The following ARL15 variants were observed in gnomAD, a reference collection of about 807,000 sequenced individuals.
ARL15 encodes the protein ARF like GTPase 15.
ARL15 carries 19 observed loss-of-function variants against 25.2 expected under a neutral mutation model. The observed-to-expected ratio is 0.75, with a 90% CI of 0.53 to 1.10. The LOEUF (loss-of-function observed/expected upper bound fraction) is 1.10, where lower values mean the gene tolerates loss of function less well. ARL15 is among the 50% of genes least tolerant of loss of function. The pLI is 0.00. For synonymous variants in ARL15, 94 were observed against 86.8 expected (o/e 1.08, Z -0.46); for missense variants, 220 against 246.0 (o/e 0.89, Z 0.71).
intron 1 of ARL15, chr5:54,310,162 C>G: frequency 2.4e-6 from 1 of 421,970 alleles, no homozygotes; most frequent in Non-Finnish European, 4.2e-6. Flanking sequence ...CCGCCGCGGC[C>G]GCCCCATCTC....
At chr5:54,096,518 T>C (rs377111386) in intron 4 of ARL15, among the ~76,000 whole-genome samples, 24 of 152,238 alleles carry the variant, frequency 1.6e-4, no homozygotes, top group East Asian at 1.5e-3. Flanking sequence ...TCAAGTGATT[T>C]TCCTGCCTCA....
At chr5:54,151,265 T>C (rs1436944879) in intron 3 of ARL15, among the ~76,000 whole-genome samples, 4 of 152,292 alleles carry the variant, frequency 2.6e-5, no homozygotes, top group South Asian at 4.1e-4. Context: ...ATTCTTAAAA[T>C]AGCAAAATAG....
At chr5:53,904,549 C>G (rs1413462028) in intron 4 of ARL15, among the ~76,000 whole-genome samples, 1 of 152,052 alleles carries the variant, frequency 6.6e-6, no homozygotes, top group Non-Finnish European at 1.5e-5. Context: ...TCCCAAGTAT[C>G]TTTAACTTAT....
Position 53,886,483 on chromosome 5 carries a change from A to G in ARL15, c.*78T>C, listed in dbSNP as rs1180784698. On this transcript the variant is annotated 3_prime_UTR_variant, in exon 5 of 5. Coordinates refer to ENST00000504924, the MANE Select transcript of ARL15 (RefSeq NM_019087.3). Reference sequence around the variant, plus strand: ...AGATACTGAAGCCAATATAGTCTTGATACCAAAATAAAATTAAAATGAGAA... The same window carrying G: ...AGATACTGAAGCCAATATAGTCTTGGTACCAAAATAAAATTAAAATGAGAA... 5 of 1,465,850 alleles carry G rather than the reference A, an allele frequency of 3.4e-6. No homozygotes were observed. The East Asian group carries it at 9.9e-5, about 29-fold the overall frequency. The allele number at this position is 1,465,850 out of a possible 1,614,324, so 90.8% of individuals were successfully genotyped here. A position where few individuals can be genotyped will look rare whatever the true frequency, so the allele number is the denominator to read the frequency against.
At chr5:54,014,827 C>A (rs953004303) in intron 4 of ARL15, among the ~76,000 whole-genome samples, 1 of 151,954 alleles carries the variant, frequency 6.6e-6, no homozygotes, top group Non-Finnish European at 1.5e-5. Context: ...CTTCTGAGCT[C>A]CTGAACCCCT....
At chr5:54,261,417 T>C (rs1421309099) in intron 1 of ARL15, among the ~76,000 whole-genome samples, 3 of 152,136 alleles carry the variant, frequency 2.0e-5, no homozygotes, top group African/African-American at 4.8e-5. Context: ...AAATAATCGG[T>C]AGATTCCTGA....
chr5:54,113,100 A>G (rs1462716183), intron 4 of ARL15, 102 bp downstream of exon 4: 16 of 1,155,224 alleles, frequency 1.4e-5, no homozygotes, highest in Admixed American at 2.3e-5. Flanking sequence ...TGAAAGCAGC[A>G]TAACCAGCAC....
In ARL15 at chr5:53,890,952, G is replaced by C. The variant is rs10067999; in HGVS notation, c.463-4239C>G. Among the ~76,000 whole-genome samples the C allele has an allele frequency of 8.6e-3, 1,311 of 152,176 alleles. 20 individuals carry two copies. The highest frequency in any genetic ancestry group is 0.03 in the African/African-American group (1,252 of 41,532). On this transcript the variant is annotated intron_variant, in intron 4 of 4. Transcript: ENST00000504924. Reference sequence around the variant, plus strand: ...GAAATCACAGTATCATCCTTTCCTAGGTCCAGGATCTCTAACGGGGCAGTG... The same window carrying C: ...GAAATCACAGTATCATCCTTTCCTACGTCCAGGATCTCTAACGGGGCAGTG...
At chr5:54,032,740 A>C (rs1430923146) in intron 4 of ARL15, among the ~76,000 whole-genome samples, 4 of 152,162 alleles carry the variant, frequency 2.6e-5, no homozygotes, top group African/African-American at 9.7e-5. Flanking sequence ...TGGTATTATT[A>C]TTTCAATCAT....
chr5:54,143,139 C>T (rs947417740), intron 3 of ARL15, among the ~76,000 whole-genome samples: 5 of 152,040 alleles, frequency 3.3e-5, no homozygotes, highest in African/African-American at 1.2e-4. Flanking sequence ...TGTTAATTGG[C>T]TATTTAAATC....
intron 1 of ARL15, among the ~76,000 whole-genome samples, chr5:54,254,232 GA>G (rs1172508593): frequency 6.6e-6 from 1 of 152,176 alleles, no homozygotes; most frequent in Admixed American, 6.5e-5. Context: ...AACTAACACG[GA>G]GGAATAGTTA....
intron 3 of ARL15, among the ~76,000 whole-genome samples, chr5:54,134,557 G>A (rs1753537649): frequency 7.3e-6 from 1 of 137,778 alleles, no homozygotes; most frequent in Non-Finnish European, 1.5e-5. Flanking sequence ...GCTCCCTGAA[G>A]GAATGATTAG....
At chr5:53,950,754 G>A (rs185414768) in intron 4 of ARL15, among the ~76,000 whole-genome samples, 53 of 152,130 alleles carry the variant, frequency 3.5e-4, no homozygotes, top group Non-Finnish European at 6.8e-4. Flanking sequence ...TGAGATACTT[G>A]GAACATTTTC....
chr5:54,248,860 A>G (rs1265788826), intron 1 of ARL15, among the ~76,000 whole-genome samples: 1 of 152,166 alleles, frequency 6.6e-6, no homozygotes, highest in Non-Finnish European at 1.5e-5. Flanking sequence ...AGACAGAAAA[A>G]GAGAAAAAGG....
chr5:54,292,253 C>T (rs1423736854), intron 1 of ARL15, among the ~76,000 whole-genome samples: 2 of 152,116 alleles, frequency 1.3e-5, no homozygotes, highest in African/African-American at 4.8e-5. Context: ...GATGTTCTTG[C>T]TTCTCCAAAG....
At position 54,126,886 on chromosome 5, in the gene ARL15, C is replaced by T. The variant is rs188702375; in HGVS notation, c.254-13476G>A. ...TTATTATACTTTAAGTTTTAGGGTA[C>T]ATGTGCACAATGTGCAGGTTAGTTA... On this transcript the variant is annotated intron_variant, in intron 3 of 4. Coordinates refer to ENST00000504924, the MANE Select transcript of ARL15 (RefSeq NM_019087.3). Among the ~76,000 whole-genome samples, 249 of 151,708 alleles carry T rather than the reference C, an allele frequency of 1.6e-3. 2 individuals carry two copies. The highest frequency in any genetic ancestry group is 8.1e-3 in the Admixed American group (124 of 15,238).
intron 4 of ARL15, among the ~76,000 whole-genome samples, chr5:53,982,820 T>A (rs1208293601): frequency 6.6e-6 from 1 of 152,194 alleles, no homozygotes; most frequent in East Asian, 1.9e-4. Flanking sequence ...AAGGCATTCC[T>A]ATTTCTCCAC....
At chr5:54,092,075 A>ACACACACACACACACACACACC (rs1430556476) in intron 4 of ARL15, among the ~76,000 whole-genome samples, 1 of 112,460 alleles carries the variant, frequency 8.9e-6, no homozygotes, top group Non-Finnish European at 2.0e-5. Context: ...CACACACACC[A>ACACACACACACACACACACACC]CCACCACCAC....
At chr5:54,055,040 C>T (rs534352940) in intron 4 of ARL15, among the ~76,000 whole-genome samples, 16 of 152,248 alleles carry the variant, frequency 1.1e-4, no homozygotes, top group African/African-American at 3.9e-4. Flanking sequence ...GAACACAGTT[C>T]AGTGGCTTTT....
Sources: gnomAD v4.1 joint callset for allele counts (sites outside exome capture counted in the v4.1 genomes callset) on GRCh38, gnomAD v4.1.1 for gene constraint, MANE v1.5 for transcripts, NCBI Gene and HGNC (gene_info 2026-07-23, HGNC 2026-07-21) for gene names.